NLK: variants seen among roughly 807,000 people sequenced by gnomAD.
The protein encoded by NLK is serine/threonine-protein kinase NLK.
NLK carries 11 observed loss-of-function variants against 59.0 expected under a neutral mutation model. That is an observed-to-expected ratio of 0.19 (90% CI 0.12 to 0.31). NLK has a LOEUF of 0.31. NLK is among the 10% of genes least tolerant of loss of function. The pLI is 1.00. For synonymous variants in NLK, 235 were observed against 235.9 expected (o/e 1.00, Z 0.03); for missense variants, 410 against 661.1 (o/e 0.62, Z 4.16).
intron 1 of NLK, among the ~76,000 whole-genome samples, chr17:28,109,028 G>A (rs1052205778): frequency 5.3e-5 from 8 of 152,158 alleles, no homozygotes; most frequent in Admixed American, 2.6e-4. Context: ...AAAAGTAGCC[G>A]GGCATGGTGG....
At chr17:28,105,622 G>C (rs1319140608) in intron 1 of NLK, among the ~76,000 whole-genome samples, 2 of 152,198 alleles carry the variant, frequency 1.3e-5, no homozygotes, top group Non-Finnish European at 2.9e-5. Context: ...TCATTCATCA[G>C]ATAAACCCCT....
intron 7 of NLK, among the ~76,000 whole-genome samples, chr17:28,182,750 G>A (rs1451318957): frequency 6.6e-6 from 1 of 151,030 alleles, no homozygotes; most frequent in Non-Finnish European, 1.5e-5. Flanking sequence ...CATTAATGAT[G>A]TAGTAACAAA....
At chr17:28,121,495 C>CTTTTTTTTTTTTTTTTTTTTTTT (rs58647578) in intron 1 of NLK, among the ~76,000 whole-genome samples, 2 of 72,290 alleles carry the variant, frequency 2.8e-5, no homozygotes, top group African/African-American at 1.2e-4. Context: ...TCTTTCTTTT[C>CTTTTTTTTTTTTTTTTTTTTTTT]TTTTTTTTTT....
At chr17:28,098,523 G>A (rs973462234) in intron 1 of NLK, among the ~76,000 whole-genome samples, 14 of 152,072 alleles carry the variant, frequency 9.2e-5, no homozygotes, top group African/African-American at 3.1e-4. Context: ...CATTGAGTAC[G>A]TCTTTATTCA....
intron 1 of NLK, among the ~76,000 whole-genome samples, chr17:28,052,518 T>C (rs1241368581): frequency 6.6e-6 from 1 of 152,124 alleles, no homozygotes; most frequent in African/African-American, 2.4e-5. Context: ...AGTGACTTCC[T>C]AAAGCTCTTG....
intron 1 of NLK, among the ~76,000 whole-genome samples, chr17:28,075,868 A>G (rs1394288396): frequency 1.3e-5 from 2 of 151,886 alleles, no homozygotes; most frequent in African/African-American, 4.8e-5. Context: ...TGTCTTAGCT[A>G]CCTCCCGTCT....
intron 1 of NLK, among the ~76,000 whole-genome samples, chr17:28,053,689 A>G (rs1243624062): frequency 6.6e-6 from 1 of 152,234 alleles, no homozygotes; most frequent in African/African-American, 2.4e-5. Context: ...GAAAAGAGAC[A>G]TTTGAACAAA....
At chr17:28,075,370 A>G (rs1910131186) in intron 1 of NLK, among the ~76,000 whole-genome samples, 1 of 152,230 alleles carries the variant, frequency 6.6e-6, no homozygotes, top group African/African-American at 2.4e-5. Flanking sequence ...CATTAGGTGG[A>G]AATCAAAGTA....
At chr17:28,095,093 C>CA (rs1226005451) in intron 1 of NLK, among the ~76,000 whole-genome samples, 1 of 152,116 alleles carries the variant, frequency 6.6e-6, no homozygotes, top group African/African-American at 2.4e-5. Context: ...TGGGAAGATA[C>CA]AAATAATTGC....
At chr17:28,128,048 G>A in intron 2 of NLK, among the ~76,000 whole-genome samples, 1 of 151,924 alleles carries the variant, frequency 6.6e-6, no homozygotes, top group Non-Finnish European at 1.5e-5. Flanking sequence ...ACAGTTCTGA[G>A]TCCGTGAGAT....
intron 3 of NLK, among the ~76,000 whole-genome samples, chr17:28,159,584 T>C (rs934635304): frequency 2.0e-5 from 3 of 152,198 alleles, no homozygotes; most frequent in African/African-American, 7.2e-5. Context: ...AAAACTGTCC[T>C]GTAAGTGAAT....
chr17:28,111,896 GGTGTGTGTGT>G (rs747211468), intron 1 of NLK, among the ~76,000 whole-genome samples: 33 of 67,534 alleles, frequency 4.9e-4, no homozygotes, highest in South Asian at 1.2e-3. Flanking sequence ...GTGTGTGTGT[GGTGTGTGTGT>G]GTGTGTGTGT....
At chr17:28,150,019 A>G (rs986809173) in intron 3 of NLK, among the ~76,000 whole-genome samples, 2 of 152,212 alleles carry the variant, frequency 1.3e-5, no homozygotes, top group Non-Finnish European at 2.9e-5. Context: ...CTCTTTTAAT[A>G]GTAAACAAAT....
At chr17:28,056,933 T>C (rs1042912912) in intron 1 of NLK, among the ~76,000 whole-genome samples, 3 of 151,664 alleles carry the variant, frequency 2.0e-5, no homozygotes, top group African/African-American at 4.8e-5. Context: ...TTTTGTGACT[T>C]CTGCATTACC....
At chr17:28,164,602 G>A (rs1296436993) in intron 5 of NLK, among the ~76,000 whole-genome samples, 1 of 152,082 alleles carries the variant, frequency 6.6e-6, no homozygotes, top group African/African-American at 2.4e-5. Context: ...AAATAGCAAA[G>A]TCCACATATT....
chr17:28,167,814 CAG>C (rs1908302402), intron 5 of NLK, among the ~76,000 whole-genome samples: 1 of 151,734 alleles, frequency 6.6e-6, no homozygotes, highest in Admixed American at 6.6e-5. Flanking sequence ...GCCAGGGAGA[CAG>C]AGTGAGACCC....
intron 1 of NLK, among the ~76,000 whole-genome samples, chr17:28,066,494 C>A (rs1182393905): frequency 6.6e-6 from 1 of 152,198 alleles, no homozygotes. Flanking sequence ...TAATATATCA[C>A]AACTTTAAAA....
intron 1 of NLK, among the ~76,000 whole-genome samples, chr17:28,091,093 C>T (rs1426027200): frequency 6.6e-6 from 1 of 152,020 alleles, no homozygotes; most frequent in African/African-American, 2.4e-5. Context: ...TATTTATTTA[C>T]TCGTCACTGA....
intron 3 of NLK, among the ~76,000 whole-genome samples, chr17:28,133,473 G>A (rs1265605084): frequency 6.6e-6 from 1 of 152,146 alleles, no homozygotes; most frequent in East Asian, 1.9e-4. Context: ...GTTAGACATT[G>A]TGAATAATAA....
Sources: allele counts gnomAD v4.1 joint callset (sites outside exome capture counted in the v4.1 genomes callset), GRCh38; gene constraint gnomAD v4.1.1; transcripts MANE v1.5; gene names NCBI Gene and HGNC (gene_info 2026-07-23, HGNC 2026-07-21).